KIAA1328: variants seen among roughly 807,000 people sequenced by gnomAD.
KIAA1328 encodes KIAA1328, also known as protein hinderin.
A neutral mutation model predicts 68.1 loss-of-function variants in KIAA1328; 52 were observed. The observed-to-expected ratio is 0.76, with a 90% CI of 0.61 to 0.96. KIAA1328 has a LOEUF of 0.96. KIAA1328 is among the 40% of genes least tolerant of loss of function. KIAA1328 has a pLI of 0.00. For missense variants in KIAA1328, 641 were observed against 677.6 expected, an observed-to-expected ratio of 0.95 and a Z score of 0.60; for synonymous variants, 232 against 239.4, an observed-to-expected ratio of 0.97 and a Z score of 0.28.
At chr18:37,172,813 T>C (rs1568493678) in intron 8 of KIAA1328, among the ~76,000 whole-genome samples, 160 bp from the exon 9 acceptor site, 2 of 152,224 alleles carry the variant, frequency 1.3e-5, no homozygotes, top group Non-Finnish European at 2.9e-5. Context: ...TTTACAAAAC[T>C]GAAGTGAGTT....
chr18:36,838,106 G>A (rs991433483), intron 3 of KIAA1328, among the ~76,000 whole-genome samples: 1 of 152,144 alleles, frequency 6.6e-6, no homozygotes, highest in Non-Finnish European at 1.5e-5. Context: ...GAATTTCACT[G>A]TTGGATTGTT....
At chr18:36,876,931 T>C (rs1284034059) in intron 4 of KIAA1328, among the ~76,000 whole-genome samples, 1 of 152,208 alleles carries the variant, frequency 6.6e-6, no homozygotes, top group Non-Finnish European at 1.5e-5. Context: ...ATTTTGTTAT[T>C]TACCCAGTAG....
intron 7 of KIAA1328, among the ~76,000 whole-genome samples, chr18:37,105,302 A>G (rs569188639): frequency 1.3e-5 from 2 of 152,204 alleles, no homozygotes; most frequent in African/African-American, 2.4e-5. Flanking sequence ...CAGGAATTTG[A>G]GACCAGCCTG....
intron 7 of KIAA1328, among the ~76,000 whole-genome samples, chr18:37,137,619 G>A (rs751694343): frequency 3.9e-5 from 6 of 151,900 alleles, no homozygotes; most frequent in Admixed American, 6.6e-5. Flanking sequence ...TATCTCTCTC[G>A]TTCCCATGTT....
At chr18:36,907,800 C>CA (rs2049277433) in intron 5 of KIAA1328, among the ~76,000 whole-genome samples, 3 of 152,092 alleles carry the variant, frequency 2.0e-5, no homozygotes, top group Non-Finnish European at 4.4e-5. Flanking sequence ...CAATTTCCTG[C>CA]AAGAGTTTGT....
chr18:36,838,937 G>T (rs1410001852), intron 3 of KIAA1328, among the ~76,000 whole-genome samples: 1 of 152,144 alleles, frequency 6.6e-6, no homozygotes, highest in East Asian at 1.9e-4. Context: ...GTTTCACCAT[G>T]TTGGTCAGGC....
intron 6 of KIAA1328, among the ~76,000 whole-genome samples, chr18:37,043,074 A>G (rs758187514): frequency 6.6e-6 from 1 of 151,896 alleles, no homozygotes; most frequent in Non-Finnish European, 1.5e-5. Flanking sequence ...TAGCATTTCC[A>G]TTTGGTTCTT....
chr18:36,973,234 A>G (rs868527380), intron 6 of KIAA1328, among the ~76,000 whole-genome samples: 1 of 151,838 alleles, frequency 6.6e-6, no homozygotes, highest in African/African-American at 2.4e-5. Flanking sequence ...ACAGAAAACC[A>G]AACTCCGCAT....
intron 6 of KIAA1328, among the ~76,000 whole-genome samples, chr18:36,991,553 G>T (rs924355910): frequency 1.3e-5 from 2 of 152,066 alleles, no homozygotes; most frequent in African/African-American, 2.4e-5. Flanking sequence ...TCAGATTTTT[G>T]AAGATGAAAA....
intron 4 of KIAA1328, among the ~76,000 whole-genome samples, chr18:36,859,165 T>C (rs1299781233): frequency 6.6e-6 from 1 of 152,112 alleles, no homozygotes; most frequent in Non-Finnish European, 1.5e-5. Flanking sequence ...TATCTTAATA[T>C]CTGTGTGTAT....
intron 7 of KIAA1328, among the ~76,000 whole-genome samples, chr18:37,085,253 G>A (rs530734913): frequency 6.6e-6 from 1 of 152,234 alleles, no homozygotes; most frequent in South Asian, 2.1e-4. Flanking sequence ...CTTTTACTGA[G>A]GTGGGCCTGA....
intron 6 of KIAA1328, among the ~76,000 whole-genome samples, chr18:37,005,314 A>G (rs1421546220): frequency 6.6e-6 from 1 of 152,156 alleles, no homozygotes; most frequent in Non-Finnish European, 1.5e-5. Context: ...TCTCAAAAGA[A>G]GACCAACAAA....
intron 7 of KIAA1328, among the ~76,000 whole-genome samples, chr18:37,150,854 A>G (rs1387604237): frequency 6.6e-6 from 1 of 152,204 alleles, no homozygotes; most frequent in Admixed American, 6.5e-5. Flanking sequence ...TGGAAAAATG[A>G]TAGTGTCAAC....
intron 6 of KIAA1328, among the ~76,000 whole-genome samples, chr18:37,064,547 C>G (rs999043261): frequency 4.2e-5 from 6 of 141,988 alleles, no homozygotes; most frequent in Non-Finnish European, 9.2e-5. Flanking sequence ...CCCCCCCCCC[C>G]AAATATGACC....
At chr18:37,025,452 A>G (rs553710204) in intron 6 of KIAA1328, among the ~76,000 whole-genome samples, 11 of 152,182 alleles carry the variant, frequency 7.2e-5, no homozygotes, top group Non-Finnish European at 1.6e-4. Context: ...ACTTATTCCA[A>G]AATTGACCAC....
At chr18:37,200,002 A>C (rs895117809) in intron 9 of KIAA1328, among the ~76,000 whole-genome samples, 1 of 152,244 alleles carries the variant, frequency 6.6e-6, no homozygotes, top group African/African-American at 2.4e-5. Context: ...TATAAGTTGG[A>C]TGAAGCGTTG....
At chr18:37,232,089 G>A (rs911116161), downstream of KIAA1328, 2 of 152,136 alleles carry the variant, frequency 1.3e-5, no homozygotes, top group African/African-American at 4.8e-5. Flanking sequence ...TTTTTAACTC[G>A]AGTGCTAGAA....
chr18:37,001,601 A>T (rs1280385106), intron 6 of KIAA1328, among the ~76,000 whole-genome samples: 1 of 152,192 alleles, frequency 6.6e-6, no homozygotes, highest in African/African-American at 2.4e-5. Flanking sequence ...ACGAACATAG[A>T]CACAAAAGTC....
chr18:36,955,621 C>T (rs2051379372), intron 5 of KIAA1328, among the ~76,000 whole-genome samples: 1 of 152,000 alleles, frequency 6.6e-6, no homozygotes, highest in South Asian at 2.1e-4. Flanking sequence ...ATCTCCTACT[C>T]TTGTGACAAG....
Sources: allele counts gnomAD v4.1 joint callset (sites outside exome capture counted in the v4.1 genomes callset), GRCh38; gene constraint gnomAD v4.1.1; transcripts MANE v1.5; gene names NCBI Gene and HGNC (gene_info 2026-07-23, HGNC 2026-07-21).